Variants in TASP1 observed in about 807,000 individuals in gnomAD.
The protein encoded by TASP1 is threonine aspartase 1.
Under a neutral mutation model 56.6 loss-of-function variants are expected in TASP1, and 16 were observed. That is an observed-to-expected ratio of 0.28 (90% confidence interval 0.19 to 0.43). TASP1 has a LOEUF of 0.43. Among genes scored for constraint, TASP1 ranks in the 20% least tolerant of loss-of-function variants. The probability of loss-of-function intolerance (pLI) is 1.00; values close to 1 mark genes in which losing one functional copy is unlikely to be tolerated. For missense variants in TASP1, 393 were observed against 511.6 expected (o/e 0.77, Z 2.24); for synonymous variants, 179 against 184.2 (o/e 0.97, Z 0.23).
chr20:13,143,187 C>T, the TASP1 span, among the ~76,000 whole-genome samples: 14 of 152,024 alleles, frequency 9.2e-5, no homozygotes, highest in African/African-American at 3.4e-4. Flanking sequence ...AGAAGGAGAC[C>T]GGGATGGCCA....
At chr20:13,583,732 T>G (rs1353525385) in intron 5 of TASP1, among the ~76,000 whole-genome samples, 1 of 152,122 alleles carries the variant, frequency 6.6e-6, no homozygotes, top group Admixed American at 6.5e-5. Context: ...CGGTATTACA[T>G]AGGATAAAAG....
At chr20:13,513,458 A>T (rs908941225) in intron 10 of TASP1, among the ~76,000 whole-genome samples, 1 of 152,104 alleles carries the variant, frequency 6.6e-6, no homozygotes, top group African/African-American at 2.4e-5. Context: ...GGAGACAGAG[A>T]GGGAGAATGG....
the TASP1 span, among the ~76,000 whole-genome samples, chr20:13,373,069 T>C: frequency 1.3e-5 from 2 of 152,106 alleles, no homozygotes; most frequent in Non-Finnish European, 2.9e-5. Context: ...ATTTGTAGCA[T>C]TTGTTCTATG....
chr20:13,251,083 G>A, the TASP1 span, among the ~76,000 whole-genome samples: 13 of 152,050 alleles, frequency 8.5e-5, no homozygotes, highest in African/African-American at 2.4e-4. Context: ...CTGCTCCTTG[G>A]ATTTCTGCCT....
the TASP1 span, among the ~76,000 whole-genome samples, chr20:13,291,956 C>A: frequency 1.3e-5 from 2 of 152,204 alleles, no homozygotes; most frequent in Non-Finnish European, 2.9e-5. Context: ...CAAAAGTTCA[C>A]TGGCTACCCC....
At chr20:13,627,588 T>C (rs1479283894) in intron 2 of TASP1, among the ~76,000 whole-genome samples, 1 of 151,946 alleles carries the variant, frequency 6.6e-6, no homozygotes, top group Non-Finnish European at 1.5e-5. Flanking sequence ...CCATTTCTAC[T>C]AAACATACAA....
chr20:13,625,479 T>C (rs762041159), intron 2 of TASP1, among the ~76,000 whole-genome samples: 11 of 152,202 alleles, frequency 7.2e-5, no homozygotes, highest in Non-Finnish European at 1.3e-4. Flanking sequence ...AAATAGCTCA[T>C]GTCCCCAAAG....
intron 11 of TASP1, among the ~76,000 whole-genome samples, chr20:13,449,157 G>A (rs894392574): frequency 1.3e-5 from 2 of 152,008 alleles, no homozygotes; most frequent in African/African-American, 4.8e-5. Context: ...CCCGAGCAAT[G>A]CCTTTTGCTT....
the TASP1 span, among the ~76,000 whole-genome samples, chr20:13,155,042 A>C: frequency 4.4e-3 from 674 of 152,134 alleles, 2 homozygotes; most frequent in Middle Eastern, 0.014. Context: ...TTAGGTGGGC[A>C]TGGTGGTGCA....
At chr20:13,297,083 C>T in the TASP1 span, among the ~76,000 whole-genome samples, 1 of 152,118 alleles carries the variant, frequency 6.6e-6, no homozygotes, top group Non-Finnish European at 1.5e-5. Context: ...TGAGGACAAG[C>T]AGTTTTTGAG....
chr20:13,430,861 T>TA (rs1017511471), intron 12 of TASP1, among the ~76,000 whole-genome samples: 3 of 152,242 alleles, frequency 2.0e-5, no homozygotes, highest in Non-Finnish European at 4.4e-5. Flanking sequence ...AAGTGTCTGT[T>TA]ACTTGAGTCA....
the TASP1 span, among the ~76,000 whole-genome samples, chr20:13,321,253 T>TAAAAAAAAAAAAAAAAAAAAACA: frequency 1.7e-5 from 1 of 57,522 alleles, no homozygotes; most frequent in Non-Finnish European, 3.2e-5. Flanking sequence ...GTGCCCCACA[T>TAAAAAAAAAAAAAAAAAAAAACA]AAAAAAAAAA....
At chr20:13,586,193 A>G (rs1009229454) in intron 5 of TASP1, among the ~76,000 whole-genome samples, 1 of 151,558 alleles carries the variant, frequency 6.6e-6, no homozygotes, top group African/African-American at 2.4e-5. Flanking sequence ...AAAAAAAAAA[A>G]AAACAGAAGT....
the TASP1 span, chr20:13,117,751 T>C: frequency 6.3e-7 from 1 of 1,581,098 alleles, no homozygotes; most frequent in African/African-American, 1.4e-5. Context: ...CTTGTGTCTG[T>C]TTAAAACCTG....
chr20:13,348,363 G>A, the TASP1 span, among the ~76,000 whole-genome samples: 1 of 152,196 alleles, frequency 6.6e-6, no homozygotes, highest in Non-Finnish European at 1.5e-5. Flanking sequence ...AAATGTTGGT[G>A]ACTGTTGATA....
At chr20:13,474,215 T>C (rs954624105) in intron 11 of TASP1, among the ~76,000 whole-genome samples, 3 of 152,226 alleles carry the variant, frequency 2.0e-5, no homozygotes, top group South Asian at 2.1e-4. Context: ...TTATTTCTGA[T>C]ATTTTAGTGA....
intron 4 of TASP1, among the ~76,000 whole-genome samples, chr20:13,622,989 A>G (rs2236173): frequency 0.24 from 36,057 of 152,060 alleles, 4,790 homozygotes; most frequent in South Asian, 0.44. Flanking sequence ...AAACCTAACC[A>G]TAACACTGGG....
the TASP1 span, among the ~76,000 whole-genome samples, chr20:13,380,508 G>C: frequency 6.6e-6 from 1 of 152,120 alleles, no homozygotes; most frequent in Non-Finnish European, 1.5e-5. Flanking sequence ...TGAGGTGTCT[G>C]TCAACCCCTG....
chr20:13,521,548 C>T (rs1318179330), intron 10 of TASP1, among the ~76,000 whole-genome samples: 1 of 150,680 alleles, frequency 6.6e-6, no homozygotes, highest in African/African-American at 2.4e-5. Flanking sequence ...AACCAAACAC[C>T]GCATGTTCTC....
Sources: allele counts gnomAD v4.1 joint callset (sites outside exome capture counted in the v4.1 genomes callset), GRCh38; gene constraint gnomAD v4.1.1; transcripts MANE v1.5; gene names NCBI Gene and HGNC (gene_info 2026-07-23, HGNC 2026-07-21).